Variants in TPO observed in about 807,000 individuals in gnomAD.
TPO encodes thyroid microsomal antigen.
A neutral mutation model predicts 96.9 loss-of-function variants in TPO; 78 were observed. The ratio of observed to expected loss-of-function variants is 0.81; its 90% CI spans 0.67 to 0.97. The LOEUF (loss-of-function observed/expected upper bound fraction) is 0.97, where lower values mean the gene tolerates loss of function less well. Among genes scored for constraint, TPO ranks in the 50% least tolerant of loss-of-function variants. The probability of loss-of-function intolerance (pLI) is 0.00; values close to 1 mark genes in which losing one functional copy is unlikely to be tolerated. For missense variants in TPO, 1,252 were observed against 1,274.8 expected, an observed-to-expected ratio of 0.98 and a Z score of 0.27; for synonymous variants, 547 against 538.0, an observed-to-expected ratio of 1.02 and a Z score of -0.23.
At chr2:1,378,232 C>T (rs1302243416) in intron 1 of TPO, among the ~76,000 whole-genome samples, 1 of 152,206 alleles carries the variant, frequency 6.6e-6, no homozygotes. Context: ...TAATACACTG[C>T]CTGTTTATAT....
chr2:1,515,637 A>G (rs1240922112), intron 14 of TPO, among the ~76,000 whole-genome samples: 3 of 152,298 alleles, frequency 2.0e-5, no homozygotes, highest in East Asian at 1.9e-4. Flanking sequence ...GAAGACAGCC[A>G]TGGACACGAC....
At chr2:1,434,135 G>C (rs1008433994) in intron 4 of TPO, among the ~76,000 whole-genome samples, 20 of 152,176 alleles carry the variant, frequency 1.3e-4, no homozygotes, top group African/African-American at 4.8e-4. Flanking sequence ...GCATAAACCA[G>C]GAGCAAATGT....
chr2:1,419,432 C>A (rs1325843275), intron 2 of TPO, among the ~76,000 whole-genome samples: 4 of 152,176 alleles, frequency 2.6e-5, no homozygotes. Context: ...CTAATGTGAG[C>A]TGATGGAAAC....
intron 10 of TPO, among the ~76,000 whole-genome samples, chr2:1,490,771 G>C (rs1329689708): frequency 6.6e-6 from 1 of 152,216 alleles, no homozygotes; most frequent in Non-Finnish European, 1.5e-5. Flanking sequence ...AGATAAAAGA[G>C]AAACGCTCAT....
intron 1 of TPO, among the ~76,000 whole-genome samples, chr2:1,391,569 G>C (rs374626920): frequency 1.1e-4 from 17 of 152,166 alleles, no homozygotes; most frequent in Non-Finnish European, 1.5e-4. Context: ...TTGGTAGCTT[G>C]ATGGGGATGG....
At chr2:1,384,192 A>C (rs368119055) in intron 1 of TPO, among the ~76,000 whole-genome samples, 1 of 152,202 alleles carries the variant, frequency 6.6e-6, no homozygotes, top group African/African-American at 2.4e-5. Context: ...TTGACCTGGC[A>C]ATGCAGGCTC....
At chr2:1,503,696 G>T in intron 13 of TPO, 1 of 691,570 alleles carries the variant, frequency 1.4e-6, no homozygotes, top group Non-Finnish European at 2.7e-6. Flanking sequence ...CCTGTGACTC[G>T]GGCCTGAGTG....
chr2:1,541,297 C>A, intron 16 of TPO: 1 of 673,780 alleles, frequency 1.5e-6, no homozygotes, highest in Non-Finnish European at 1.9e-6. Flanking sequence ...CTCAGGTCTG[C>A]TGCACGGCAT....
At chr2:1,522,058 T>G (rs1461362258) in intron 15 of TPO, among the ~76,000 whole-genome samples, 1 of 151,972 alleles carries the variant, frequency 6.6e-6, no homozygotes, top group Non-Finnish European at 1.5e-5. Flanking sequence ...CTCCCTCTCC[T>G]GACCCCAGGC....
At chr2:1,451,538 T>C (rs1205059769) in intron 5 of TPO, among the ~76,000 whole-genome samples, 1 of 152,180 alleles carries the variant, frequency 6.6e-6, no homozygotes, top group Non-Finnish European at 1.5e-5. Flanking sequence ...TGCATCCTAG[T>C]CACGCCTGAC....
At chr2:1,526,987 TGTGTG>T (rs1346639067) in intron 15 of TPO, among the ~76,000 whole-genome samples, 2 of 130,950 alleles carry the variant, frequency 1.5e-5, no homozygotes, top group African/African-American at 6.4e-5. Context: ...ATCCCCACAC[TGTGTG>T]CAACCTCCTC....
chr2:1,390,642 A>G (rs1424011520), intron 1 of TPO, among the ~76,000 whole-genome samples: 1 of 152,230 alleles, frequency 6.6e-6, no homozygotes, highest in African/African-American at 2.4e-5. Flanking sequence ...TTACACTCCC[A>G]TTAACAGTGT....
chr2:1,409,552 C>T (rs1017239198), upstream of TPO, among the ~76,000 whole-genome samples: 24 of 152,144 alleles, frequency 1.6e-4, no homozygotes, highest in African/African-American at 5.8e-4. Flanking sequence ...ACTCTATGCA[C>T]GGCCACAGCA....
upstream of TPO, among the ~76,000 whole-genome samples, chr2:1,412,075 G>A (rs1266662469): frequency 6.6e-6 from 1 of 152,130 alleles, no homozygotes; most frequent in Non-Finnish European, 1.5e-5. Flanking sequence ...TTTTAAGCTG[G>A]ACTTCACCCA....
intron 2 of TPO, among the ~76,000 whole-genome samples, chr2:1,415,817 GC>G (rs1305019645): frequency 2.0e-5 from 3 of 152,206 alleles, no homozygotes; most frequent in Non-Finnish European, 4.4e-5. Flanking sequence ...GCCACACCCA[GC>G]CCAGCCTCCT....
At chr2:1,527,505 A>T (rs1200310875) in intron 15 of TPO, among the ~76,000 whole-genome samples, 1 of 147,468 alleles carries the variant, frequency 6.8e-6, no homozygotes. Context: ...GACCTCCCCA[A>T]ATCCTCCCAG....
intron 7 of TPO, among the ~76,000 whole-genome samples, chr2:1,462,470 T>C (rs926434794): frequency 1.3e-5 from 2 of 151,542 alleles, no homozygotes; most frequent in Admixed American, 1.3e-4. Context: ...AAACACCCGA[T>C]GTGAACAAGA....
intron 3 of TPO, among the ~76,000 whole-genome samples, 170 bp from the exon 4 acceptor site, chr2:1,433,268 C>A (rs548228898): frequency 8.5e-5 from 13 of 152,288 alleles, no homozygotes; most frequent in African/African-American, 1.7e-4. Context: ...AACCCAGTGA[C>A]CCCGTGGACA....
At chr2:1,531,628 C>A (rs1371647051) in intron 15 of TPO, among the ~76,000 whole-genome samples, 8 of 104,638 alleles carry the variant, frequency 7.6e-5, no homozygotes, top group African/African-American at 2.8e-4. Flanking sequence ...CCCAAAACAC[C>A]CCTCAATGTG....
Sources: allele counts gnomAD v4.1 joint callset (sites outside exome capture counted in the v4.1 genomes callset), GRCh38; gene constraint gnomAD v4.1.1; transcripts MANE v1.5; gene names NCBI Gene and HGNC (gene_info 2026-07-23, HGNC 2026-07-21).